Variants in ELAPOR1 observed in about 807,000 individuals in gnomAD.
The protein encoded by ELAPOR1 is endosome-lysosome associated apoptosis and autophagy regulator 1.
ELAPOR1 carries 77 observed loss-of-function variants against 119.7 expected under a neutral mutation model. The observed-to-expected ratio is 0.64, with a 90% CI of 0.54 to 0.78. The LOEUF is 0.78. ELAPOR1 is among the 30% of genes least tolerant of loss of function. The pLI, the probability that ELAPOR1 is intolerant of heterozygous loss-of-function variation, is 0.00. For synonymous variants in ELAPOR1, 481 were observed against 487.2 expected, an observed-to-expected ratio of 0.99 and a Z score of 0.17; for missense variants, 1,115 against 1,270.4, an observed-to-expected ratio of 0.88 and a Z score of 1.86.
In ELAPOR1 at chr1:109,205,534, T is replaced by C. The variant is rs1367292605; in HGVS notation, c.*2522T>C. 5 of 152,198 alleles carry C rather than the reference T, an allele frequency of 3.3e-5. No individual in the cohort carries two copies. Among genetic ancestry groups the C allele is most frequent in the Non-Finnish European group, 7.3e-5 (5 of 68,032 alleles). 9.4% of individuals were successfully genotyped at this position (152,198 alleles called of 1,614,324 possible). A position where few individuals can be genotyped will look rare whatever the true frequency, so the allele number is the denominator to read the frequency against. ...GTCAGGCTCTCAGAACCTGTGTCCA[T>C]GTTGGAACTTCCCCCAGTGTGGATG... On this transcript the variant is annotated 3_prime_UTR_variant, in exon 22 of 22. Coordinates refer to ENST00000369939, the MANE Select transcript of ELAPOR1 (RefSeq NM_020775.5).
intron 7 of ELAPOR1, among the ~76,000 whole-genome samples, chr1:109,180,549 T>G (rs1355637193): frequency 6.6e-6 from 1 of 152,044 alleles, no homozygotes; most frequent in African/African-American, 2.4e-5. Context: ...ATCTGCCTCA[T>G]AGTGTTATTG....
chr1:109,179,090 G>A (rs555937177), intron 7 of ELAPOR1, among the ~76,000 whole-genome samples: 2 of 152,164 alleles, frequency 1.3e-5, no homozygotes, highest in African/African-American at 2.4e-5. Context: ...GGTGGGGGCA[G>A]GATGTTTGGG....
intron 1 of ELAPOR1, among the ~76,000 whole-genome samples, chr1:109,121,800 G>A (rs577807596): frequency 6.9e-6 from 1 of 144,208 alleles, no homozygotes; most frequent in East Asian, 2.0e-4. Flanking sequence ...TTGAGACAGA[G>A]TCTCTCTCTG....
chr1:109,184,958 G>A, intron 7 of ELAPOR1, 87 bp from the exon 8 acceptor site: 1 of 947,540 alleles, frequency 1.1e-6, no homozygotes, highest in Non-Finnish European at 1.7e-6. Context: ...TGCACCCAGG[G>A]ACTTGGGAGT....
chr1:109,145,635 A>G (rs1324503593), intron 1 of ELAPOR1, among the ~76,000 whole-genome samples: 1 of 152,162 alleles, frequency 6.6e-6, no homozygotes, highest in Admixed American at 6.6e-5. Context: ...CAACCTGGGC[A>G]ACAGAGCAAG....
At chr1:109,178,826 G>A (rs1328067327) in intron 7 of ELAPOR1, among the ~76,000 whole-genome samples, 1 of 152,114 alleles carries the variant, frequency 6.6e-6, no homozygotes, top group Non-Finnish European at 1.5e-5. Context: ...TTAGCTGGGT[G>A]TGGTGGCGCA....
chr1:109,168,598 G>A (rs968591792), intron 3 of ELAPOR1, among the ~76,000 whole-genome samples: 7 of 152,294 alleles, frequency 4.6e-5, no homozygotes, highest in African/African-American at 1.7e-4. Flanking sequence ...CAGGAGTGAC[G>A]TGGGTGTAAT....
At chr1:109,178,420 C>T in intron 7 of ELAPOR1, among the ~76,000 whole-genome samples, 1 of 152,138 alleles carries the variant, frequency 6.6e-6, no homozygotes, top group East Asian at 1.9e-4. Flanking sequence ...AATACAGGGT[C>T]AGTGAGAGAC....
intron 21 of ELAPOR1, 113 bp downstream of exon 21, chr1:109,201,013 C>G (rs959956365): frequency 3.7e-5 from 35 of 956,022 alleles, no homozygotes; most frequent in Non-Finnish European, 5.2e-5. Flanking sequence ...GCTCCCCACG[C>G]CCGATACAAT....
At chr1:109,195,662 C>T (rs970050062) in intron 15 of ELAPOR1, among the ~76,000 whole-genome samples, 1 of 152,208 alleles carries the variant, frequency 6.6e-6, no homozygotes, top group Non-Finnish European at 1.5e-5. Flanking sequence ...TCTAGTTCAT[C>T]CACACGTCTC....
chr1:109,199,323 T>A (rs1332416847), intron 18 of ELAPOR1, among the ~76,000 whole-genome samples: 1 of 152,218 alleles, frequency 6.6e-6, no homozygotes, highest in African/African-American at 2.4e-5. Context: ...ATGCTGCGCC[T>A]AAACTGACTG....
chr1:109,201,021 AATTCCATTTCCCC>A lies in ELAPOR1; in HGVS notation c.2973+123_2973+135del, dbSNP rs1021654090. The A allele has an allele frequency of 3.1e-5, 28 of 905,248 alleles. No individual in the cohort carries two copies. The African/African-American group carries it at 4.0e-4, about 13-fold the overall frequency. 56.1% of individuals were successfully genotyped at this position (905,248 alleles called of 1,614,324 possible). On this transcript the variant is annotated intron_variant, in intron 21 of 21. Coordinates refer to ENST00000369939, the MANE Select transcript of ELAPOR1 (RefSeq NM_020775.5). ...GCACCCTGCTCCCCACGCCCGATAC[AATTCCATTTCCCC>A]ACTCTGAAAATCCTGCCTTCTCCTT...
chr1:109,187,435 G>C (rs994191423), intron 8 of ELAPOR1: 1 of 992,984 alleles, frequency 1.0e-6, no homozygotes, highest in African/African-American at 1.7e-5. Context: ...GAAAAATATG[G>C]ACAGAGGCCT....
At chr1:109,150,515 T>C (rs1429744694) in intron 1 of ELAPOR1, among the ~76,000 whole-genome samples, 2 of 152,076 alleles carry the variant, frequency 1.3e-5, no homozygotes, top group East Asian at 1.9e-4. Flanking sequence ...GAGGTCTTAA[T>C]TGTAGGCAGA....
intron 15 of ELAPOR1, among the ~76,000 whole-genome samples, chr1:109,196,226 A>G (rs1653784799): frequency 6.6e-6 from 1 of 152,218 alleles, no homozygotes; most frequent in African/African-American, 2.4e-5. Flanking sequence ...TAAGGCCTTT[A>G]CATCATAGAG....
Position 109,184,151 on chromosome 1 carries a change from C to G in ELAPOR1, c.953-894C>G, listed in dbSNP as rs148876036. Among the ~76,000 whole-genome samples the G allele has an allele frequency of 8.8e-3, 1,347 of 152,278 alleles. 14 individuals carry two copies. The highest frequency in any genetic ancestry group is 0.013 in the Non-Finnish European group (884 of 68,014). ...CTTTGGGAGGCCGAGGAGGGCAGAT[C>G]ACCTGAAGTCAGGAGTTCGAGACCA... is the stretch of plus-strand genomic sequence containing the variant. On this transcript the variant is annotated intron_variant, in intron 7 of 21. Transcript: ENST00000369939.
chr1:109,184,739 C>G (rs145946820), intron 7 of ELAPOR1, among the ~76,000 whole-genome samples: 97 of 152,344 alleles, frequency 6.4e-4, no homozygotes, highest in African/African-American at 2.1e-3. Context: ...CGTCTACCCT[C>G]CTTGCTGGTC....
chr1:109,155,295 C>G (rs898505590), intron 1 of ELAPOR1, among the ~76,000 whole-genome samples: 1 of 151,930 alleles, frequency 6.6e-6, no homozygotes, highest in Non-Finnish European at 1.5e-5. Context: ...CCTGCCTCAG[C>G]CTCCTGAGTA....
At chr1:109,183,494 G>C (rs910678760) in intron 7 of ELAPOR1, among the ~76,000 whole-genome samples, 2 of 152,188 alleles carry the variant, frequency 1.3e-5, no homozygotes, top group Non-Finnish European at 2.9e-5. Flanking sequence ...GAAAGGAGGA[G>C]AACATGCAGA....
Sources: allele counts gnomAD v4.1 joint callset (sites outside exome capture counted in the v4.1 genomes callset), GRCh38; gene constraint gnomAD v4.1.1; transcripts MANE v1.5; gene names NCBI Gene and HGNC (gene_info 2026-07-23, HGNC 2026-07-21).